The following CLCN5 variants were observed in gnomAD, a reference collection of about 807,000 sequenced individuals.
CLCN5 encodes the protein Cl-/H+ antiporter 5.
A neutral mutation model predicts 54.0 loss-of-function variants in CLCN5; 17 were observed. The ratio of observed to expected loss-of-function variants is 0.31; its 90% CI spans 0.22 to 0.47. The LOEUF is 0.47. CLCN5 is among the 20% of genes least tolerant of loss of function. The pLI is 1.00. For missense variants in CLCN5, 448 were observed against 646.7 expected (o/e 0.69, Z 3.33); for synonymous variants, 222 against 233.0 (o/e 0.95, Z 0.43).
chrX:50,028,333 A>G (rs1303633264), intron 3 of CLCN5, among the ~76,000 whole-genome samples: 1 of 112,202 alleles, frequency 8.9e-6, no homozygotes, highest in South Asian at 3.8e-4. Context: ...GGAAGCAGAA[A>G]GAGCTTTTTC....
chrX:50,072,821 A>G (rs1933266658), intron 6 of CLCN5, among the ~76,000 whole-genome samples: 1 of 111,195 alleles, frequency 9.0e-6, no homozygotes, highest in Non-Finnish European at 1.9e-5. Context: ...ACTATAAAAT[A>G]CTGTATCCAT....
chrX:50,090,708 T>G lies in CLCN5; in HGVS notation c.2182T>G (p.Ser728Ala). The change falls in exon 14 of 15, where the codon TCC becomes GCC. Residue 728 changes from serine to alanine, a missense_variant. Physicochemically the swap from Ser to Ala is moderately conservative, Grantham distance 99 (BLOSUM62 1). Transcript: ENST00000376091. ...RKKQDGVVST[S>A]IIYFTEHSPP... ...GAAACAGGATGGGGTTGTTAGCACT[T>G]CCATCATTTATTTCACGGAGCATTC... is the stretch of plus-strand genomic sequence containing the variant. 8.3e-7 allele frequency: 1 copy of G among 1,210,396 alleles called. No homozygotes were observed. The highest frequency in any genetic ancestry group is 1.1e-6 in the Non-Finnish European group (1 of 894,772).
chrX:49,966,589 CTT>C lies in CLCN5; in HGVS notation c.16+41296_16+41297del, dbSNP rs1186780675. ...TCTCATTGATTTTTATATCTCTGAT[CTT>C]TTTTTTTTTTTTTTTTTTTTATTTT... On this transcript the variant is annotated intron_variant, in intron 3 of 14. Transcript: ENST00000376091. Among the ~76,000 whole-genome samples the C allele has an allele frequency of 2.2e-4, 4 of 17,804 alleles. 1 individual carries two copies. Among genetic ancestry groups the C allele is most frequent in the Non-Finnish European group, 1.6e-4 (2 of 12,534 alleles). The allele number at this position is 17,804 out of a possible 115,157, so 15.5% of individuals were successfully genotyped here.
intron 4 of CLCN5, chrX:50,067,514 C>T (rs782492303): frequency 4.9e-6 from 3 of 611,196 alleles, no homozygotes; most frequent in Non-Finnish European, 5.9e-6. Context: ...CTTCCTTTCT[C>T]CCAGGCTGGT....
At chrX:49,944,785 G>A (rs1248967105) in intron 3 of CLCN5, among the ~76,000 whole-genome samples, 2 of 111,707 alleles carry the variant, frequency 1.8e-5, no homozygotes, top group East Asian at 2.8e-4. Context: ...GCTTTTTGAT[G>A]TGCTGCTGGA....
chrX:50,040,581 C>T (rs934775794), intron 3 of CLCN5, among the ~76,000 whole-genome samples: 32 of 111,724 alleles, frequency 2.9e-4, no homozygotes, highest in African/African-American at 8.8e-4. Flanking sequence ...CATATTTATG[C>T]GGTACAGTGT....
In CLCN5 at chrX:50,081,327, G is replaced by A. The variant is rs782132248; in HGVS notation, c.727-314G>A. ...CAAAACATGCCTCTTGGGCTACCAC[G>A]TTGTAACATGAGGAAAACACCTATC... On this transcript the variant is annotated intron_variant, in intron 8 of 14. Coordinates refer to ENST00000376091, the MANE Select transcript of CLCN5 (RefSeq NM_001127898.4). Among the ~76,000 whole-genome samples the A allele has an allele frequency of 1.4e-4, 15 of 110,033 alleles. No homozygotes were observed. The South Asian group carries it at 2.4e-3, about 17-fold the overall frequency.
At chrX:50,060,472 G>A (rs1417796745) in intron 4 of CLCN5, among the ~76,000 whole-genome samples, 1 of 108,158 alleles carries the variant, frequency 9.2e-6, no homozygotes, top group African/African-American at 3.4e-5. Context: ...GGCGCACCAC[G>A]AGACTATATC....
In CLCN5 at chrX:50,090,489, C is replaced by T; in HGVS notation, c.2118C>T (p.Leu706=). Residue 706 remains leucine (L), a synonymous_variant, in exon 13 of 15, where the codon CTC becomes CTT. Transcript: ENST00000376091. ...CCCAAAGACTTGTGGGCTTTGTCCT[C>T]CGAAGAGATCTCATTATTTCAATTG... is the stretch of plus-strand genomic sequence containing the variant. ...RESQRLVGFV[L]RRDLIISIEN... 1 of 1,206,973 alleles carries T rather than the reference C, an allele frequency of 8.3e-7. No individual in the cohort carries two copies. The highest frequency in any genetic ancestry group is 1.1e-6 in the Non-Finnish European group (1 of 893,244).
chrX:49,953,595 C>T lies in CLCN5; in HGVS notation c.16+28281C>T, dbSNP rs1341858383. Among the ~76,000 whole-genome samples, 8 of 111,939 alleles carry T rather than the reference C, an allele frequency of 7.1e-5. No individual in the cohort carries two copies. The East Asian group carries it at 1.4e-3, about 20-fold the overall frequency. On this transcript the variant is annotated intron_variant, in intron 3 of 14. Coordinates refer to ENST00000376091, the MANE Select transcript of CLCN5 (RefSeq NM_001127898.4). ...CATTGGGGTTATAAGTGTGAGCCAC[C>T]GTGCCCAGCCTACAATAACACTTGA...
chrX:50,042,895 T>TA (rs1932274238), intron 4 of CLCN5, among the ~76,000 whole-genome samples: 1 of 111,890 alleles, frequency 8.9e-6, no homozygotes, highest in Admixed American at 9.5e-5. Flanking sequence ...TGTGTTTAAC[T>TA]TTATAAGAAA....
intron 3 of CLCN5, among the ~76,000 whole-genome samples, chrX:49,981,979 G>T (rs1928754333): frequency 9.0e-6 from 1 of 110,682 alleles, no homozygotes; most frequent in African/African-American, 3.3e-5. Context: ...TTTAGTGGCA[G>T]TTACTCTTTT....
chrX:49,930,360 C>T (rs1274728059), intron 3 of CLCN5, among the ~76,000 whole-genome samples: 1 of 111,557 alleles, frequency 9.0e-6, no homozygotes, highest in Non-Finnish European at 1.9e-5. Context: ...TGGAATTTAT[C>T]CTAAGGAAGT....
At chrX:49,958,477 A>G (rs1927441345) in intron 3 of CLCN5, among the ~76,000 whole-genome samples, 1 of 111,828 alleles carries the variant, frequency 8.9e-6, no homozygotes, top group South Asian at 3.7e-4. Context: ...GATTCTCATG[A>G]CCTGATCATT....
intron 3 of CLCN5, among the ~76,000 whole-genome samples, chrX:49,931,819 C>G (rs1925664831): frequency 9.4e-6 from 1 of 105,850 alleles, no homozygotes; most frequent in African/African-American, 3.5e-5. Context: ...GGGTGGCTGA[C>G]ATGGGATCAC....
intron 3 of CLCN5, among the ~76,000 whole-genome samples, chrX:50,014,158 T>A (rs1930664184): frequency 9.0e-6 from 1 of 111,641 alleles, no homozygotes; most frequent in Admixed American, 9.5e-5. Context: ...CTTCCCCTTG[T>A]ATCCTTGCCA....
intron 14 of CLCN5, 145 bp downstream of exon 14, chrX:50,091,031 A>G (rs902330701): frequency 1.0e-5 from 5 of 494,755 alleles, no homozygotes; most frequent in Middle Eastern, 5.5e-4. Flanking sequence ...GAAAGTGGAT[A>G]GGTTTTTTTA....
chrX:50,039,192 G>T (rs1932116789), intron 3 of CLCN5, among the ~76,000 whole-genome samples: 2 of 112,071 alleles, frequency 1.8e-5, no homozygotes, highest in South Asian at 7.4e-4. Flanking sequence ...TACTTGGGAC[G>T]CTGAGGTGGC....
chrX:50,006,138 A>T (rs1557181381), intron 3 of CLCN5, among the ~76,000 whole-genome samples: 1 of 111,988 alleles, frequency 8.9e-6, no homozygotes, highest in African/African-American at 3.2e-5. Context: ...TGAGAGATGG[A>T]TGGAGGCCTA....
Sources: gnomAD v4.1 joint callset for allele counts (sites outside exome capture counted in the v4.1 genomes callset) on GRCh38, gnomAD v4.1.1 for gene constraint, MANE v1.5 for transcripts, NCBI Gene and HGNC (gene_info 2026-07-23, HGNC 2026-07-21) for gene names.